Variants in ZNF704 observed in about 807,000 individuals in gnomAD.
ZNF704 encodes the protein zinc finger protein 704, also known as glucocorticoid induced gene 1.
ZNF704 carries 10 observed loss-of-function variants against 44.7 expected under a neutral mutation model. That is an observed-to-expected ratio of 0.22 (90% CI 0.14 to 0.38). ZNF704 has a LOEUF of 0.38. Ranked by LOEUF, ZNF704 falls within the 10% of genes least tolerant of loss-of-function variation. ZNF704 has a pLI of 1.00. For missense variants in ZNF704, 390 were observed against 545.5 expected (o/e 0.71, Z 2.84); for synonymous variants, 211 against 207.6 (o/e 1.02, Z -0.14).
At chr8:80,708,256 G>A (rs980375691) in intron 2 of ZNF704, among the ~76,000 whole-genome samples, 2 of 152,152 alleles carry the variant, frequency 1.3e-5, no homozygotes, top group Admixed American at 6.5e-5. Context: ...TATACTCCGT[G>A]CTCAAGGAAC....
chr8:80,845,779 G>A (rs1014161228), intron 1 of ZNF704, among the ~76,000 whole-genome samples: 4 of 152,118 alleles, frequency 2.6e-5, no homozygotes, highest in African/African-American at 9.7e-5. Flanking sequence ...TGGCTTGAGC[G>A]ATGCAAGAGT....
chr8:80,700,241 C>T (rs1018999785), intron 2 of ZNF704, among the ~76,000 whole-genome samples: 10 of 152,168 alleles, frequency 6.6e-5, no homozygotes, highest in African/African-American at 2.4e-4. Flanking sequence ...ATCCTAACTT[C>T]GTAACTTCTG....
intron 2 of ZNF704, among the ~76,000 whole-genome samples, chr8:80,736,561 T>TTACTGTTTC (rs202049791): frequency 0.01 from 1,573 of 152,238 alleles, 30 homozygotes; most frequent in African/African-American, 0.036. Context: ...TACAGGAATG[T>TTACTGTTTC]TACTGTTTCT....
intron 2 of ZNF704, among the ~76,000 whole-genome samples, chr8:80,802,736 C>T (rs1015627432): frequency 1.3e-5 from 2 of 152,124 alleles, no homozygotes; most frequent in African/African-American, 4.8e-5. Context: ...CAATATCATA[C>T]TGAATGGGCA....
intron 2 of ZNF704, among the ~76,000 whole-genome samples, chr8:80,778,299 A>C (rs1384141927): frequency 1.3e-5 from 2 of 152,306 alleles, no homozygotes; most frequent in East Asian, 3.9e-4. Flanking sequence ...ATAAAACCAC[A>C]ATGAGATACC....
chr8:80,878,829 G>GT (rs112935509), upstream of ZNF704, among the ~76,000 whole-genome samples: 66 of 147,290 alleles, frequency 4.5e-4, no homozygotes, highest in Non-Finnish European at 4.7e-4. Context: ...AAAGACTTAG[G>GT]TTTTTTTTTT....
At chr8:80,878,626 C>T (rs1809389803), upstream of ZNF704, among the ~76,000 whole-genome samples, 1 of 152,214 alleles carries the variant, frequency 6.6e-6, no homozygotes, top group African/African-American at 2.4e-5. Flanking sequence ...CATTTGATGA[C>T]TGTCATCCCA....
At chr8:80,766,980 T>C (rs1807238539) in intron 2 of ZNF704, among the ~76,000 whole-genome samples, 1 of 152,132 alleles carries the variant, frequency 6.6e-6, no homozygotes, top group African/African-American at 2.4e-5. Flanking sequence ...CCCAAAGTGC[T>C]GGGATTATAG....
At chr8:80,653,312 T>G (rs1817954477) in intron 7 of ZNF704, among the ~76,000 whole-genome samples, 1 of 152,162 alleles carries the variant, frequency 6.6e-6, no homozygotes, top group South Asian at 2.1e-4. Flanking sequence ...TTGGAAGTTC[T>G]GGCCAGGGCA....
chr8:80,668,729 C>T (rs550546099), intron 5 of ZNF704, among the ~76,000 whole-genome samples: 87 of 152,156 alleles, frequency 5.7e-4, no homozygotes, highest in Non-Finnish European at 1.1e-3. Context: ...TCAGAGGTGA[C>T]GGCATATTTT....
upstream of ZNF704, among the ~76,000 whole-genome samples, chr8:80,877,475 A>C (rs1169482227): frequency 6.6e-6 from 1 of 152,256 alleles, no homozygotes; most frequent in Non-Finnish European, 1.5e-5. Flanking sequence ...TGGGCTCAGA[A>C]GTCAAAAAGT....
chr8:80,714,378 C>A (rs1819038994), intron 2 of ZNF704, among the ~76,000 whole-genome samples: 1 of 152,178 alleles, frequency 6.6e-6, no homozygotes. Flanking sequence ...TCTGAAGATT[C>A]TTGTAGTCAT....
At chr8:80,778,327 A>T (rs1807450044) in intron 2 of ZNF704, among the ~76,000 whole-genome samples, 1 of 152,212 alleles carries the variant, frequency 6.6e-6, no homozygotes, top group Non-Finnish European at 1.5e-5. Context: ...ACCACTCAAA[A>T]TGGCTATTAC....
chr8:80,779,853 CCTTTA>C (rs1175275017), intron 2 of ZNF704, among the ~76,000 whole-genome samples: 3 of 150,768 alleles, frequency 2.0e-5, no homozygotes, highest in Non-Finnish European at 4.4e-5. Context: ...TTCTTAATTT[CCTTTA>C]TTTTGTTAAT....
intron 1 of ZNF704, among the ~76,000 whole-genome samples, chr8:80,871,161 C>A (rs1017280877): frequency 2.0e-5 from 3 of 152,214 alleles, no homozygotes; most frequent in African/African-American, 4.8e-5. Context: ...GGCCTCCCTG[C>A]CTCTACTACT....
At chr8:80,696,037 C>A (rs964494544) in intron 2 of ZNF704, among the ~76,000 whole-genome samples, 13 of 152,112 alleles carry the variant, frequency 8.5e-5, no homozygotes, top group Admixed American at 2.6e-4. Context: ...TGTTTAATTT[C>A]TTTTGGTACA....
chr8:80,671,854 A>C (rs1350528617), intron 4 of ZNF704, among the ~76,000 whole-genome samples: 2 of 152,164 alleles, frequency 1.3e-5, no homozygotes, highest in African/African-American at 4.8e-5. Context: ...TGTCACCCCC[A>C]GTCTGCTCTG....
At chr8:80,853,297 G>A (rs971266436) in intron 1 of ZNF704, among the ~76,000 whole-genome samples, 3 of 152,188 alleles carry the variant, frequency 2.0e-5, no homozygotes, top group Non-Finnish European at 2.9e-5. Flanking sequence ...GGGCCCAGGA[G>A]GTCAAGGGTG....
intron 2 of ZNF704, among the ~76,000 whole-genome samples, chr8:80,721,678 G>C (rs1819169227): frequency 6.6e-6 from 1 of 152,114 alleles, no homozygotes; most frequent in African/African-American, 2.4e-5. Context: ...TAACCAAATT[G>C]ACTAGGCAGT....
Sources: gnomAD v4.1 joint callset for allele counts (sites outside exome capture counted in the v4.1 genomes callset) on GRCh38, gnomAD v4.1.1 for gene constraint, MANE v1.5 for transcripts, NCBI Gene and HGNC (gene_info 2026-07-23, HGNC 2026-07-21) for gene names.